ACSL1: variants seen among roughly 807,000 people sequenced by gnomAD.
The protein encoded by ACSL1 is long-chain-fatty-acid--CoA ligase 1.
A neutral mutation model predicts 98.4 loss-of-function variants in ACSL1; 41 were observed. The observed-to-expected ratio is 0.42, with a 90% CI of 0.32 to 0.54. ACSL1 has a LOEUF of 0.54. Ranked by LOEUF, ACSL1 falls within the 20% of genes least tolerant of loss-of-function variation. ACSL1 has a pLI of 0.13. For missense variants in ACSL1, 734 were observed against 883.1 expected, an observed-to-expected ratio of 0.83 and a Z score of 2.14; for synonymous variants, 316 against 322.7, an observed-to-expected ratio of 0.98 and a Z score of 0.22.
intron 1 of ACSL1, among the ~76,000 whole-genome samples, chr4:184,824,379 G>C (rs906864899): frequency 2.0e-5 from 3 of 151,772 alleles, no homozygotes; most frequent in African/African-American, 4.8e-5. Flanking sequence ...TGCCCGCCTC[G>C]GTCTCCCAAA....
At position 184,760,407 on chromosome 4, in the gene ACSL1, T is replaced by C. The variant is rs755700497; in HGVS notation, c.1732A>G (p.Met578Val). The change falls in exon 18 of 21, where the codon ATG becomes GTG. Residue 578 changes from methionine (M) to valine (V), a missense_variant. Physicochemically the swap from Met to Val is conservative, Grantham distance 21 (BLOSUM62 1). Transcript: ENST00000281455. Reference sequence around the variant, plus strand: ...ACCTGAGCAACAGGCTCACTTCGCATGTAGATATTTTCAATCTTTTCAGGG... The same window carrying C: ...ACCTGAGCAACAGGCTCACTTCGCACGTAGATATTTTCAATCTTTTCAGGG... ...IAPEKIENIY[M>V]RSEPVAQVFV... 3.7e-6 allele frequency: 6 copies of C among 1,614,168 alleles called. 1 individual carries two copies. In the Admixed American group the frequency reaches 1.0e-4, roughly 27 times the overall value.
At chr4:184,821,327 T>C (rs1476228849) in intron 1 of ACSL1, 2 of 296,406 alleles carry the variant, frequency 6.7e-6, no homozygotes, top group African/African-American at 2.2e-5. Context: ...CCTTCTTATA[T>C]GGACATTTCT....
intron 2 of ACSL1, among the ~76,000 whole-genome samples, chr4:184,795,025 G>A (rs36059531): frequency 1.3e-5 from 2 of 152,088 alleles, no homozygotes; most frequent in East Asian, 1.9e-4. Context: ...CCACAAACCC[G>A]CCTCAATGAA....
intron 2 of ACSL1, among the ~76,000 whole-genome samples, chr4:184,796,743 C>T (rs1234734295): frequency 6.6e-6 from 1 of 152,206 alleles, no homozygotes; most frequent in East Asian, 1.9e-4. Flanking sequence ...TAGTTAAATA[C>T]ACATCGGATA....
In ACSL1 at chr4:184,773,030, A is replaced by C. The variant is rs1049707498; in HGVS notation, c.915+51T>G. The C allele has an allele frequency of 6.4e-7, 1 of 1,559,402 alleles. No individual in the cohort carries two copies. Among genetic ancestry groups the C allele is most frequent in the African/African-American group, 1.4e-5 (1 of 73,930 alleles). On this transcript the variant is annotated intron_variant, in intron 10 of 20. Coordinates refer to ENST00000281455, the MANE Select transcript of ACSL1 (RefSeq NM_001995.5). The surrounding 1 kb of genome is among the most constrained non-coding windows in gnomAD (Gnocchi z 4.3). Reference sequence around the variant, plus strand: ...GCCCACCTTCAGCACTTTCATTCTCAAGGACTAATGTCAATCAATGAGGAA... The same window carrying C: ...GCCCACCTTCAGCACTTTCATTCTCCAGGACTAATGTCAATCAATGAGGAA...
chr4:184,779,018 C>T (rs898440947), intron 5 of ACSL1, among the ~76,000 whole-genome samples: 25 of 151,992 alleles, frequency 1.6e-4, no homozygotes, highest in Admixed American at 9.2e-4. Flanking sequence ...AGAATAAATT[C>T]GATTTCTTCA....
rs905208620 is a variant in ACSL1 at position 184,825,550 on chromosome 4, C to T, written c.-33+366G>A. On this transcript the variant is annotated intron_variant, in intron 1 of 20. Coordinates refer to ENST00000281455, the MANE Select transcript of ACSL1 (RefSeq NM_001995.5). The surrounding 1 kb of genome is among the most constrained non-coding windows in gnomAD (Gnocchi z 4.7). ...CGTCAGCGGCCCAGCTGGGCCACCT[C>T]CTCCCAGCCGAAGCGCGGCCTCCGG... 6.6e-6 allele frequency among the ~76,000 whole-genome samples: 1 copy of T among 151,608 alleles called. No individual in the cohort carries two copies. The highest frequency in any genetic ancestry group is 1.5e-5 in the Non-Finnish European group (1 of 67,862).
chr4:184,814,677 A>G (rs891104464), intron 1 of ACSL1, among the ~76,000 whole-genome samples: 5 of 152,192 alleles, frequency 3.3e-5, no homozygotes, highest in Admixed American at 3.3e-4. Flanking sequence ...GCTATAAGTG[A>G]GTCAGGTCAG....
Position 184,768,352 on chromosome 4 carries a change from G to C in ACSL1, c.1092C>G (p.Pro364=). 6.2e-7 allele frequency: 1 copy of C among 1,612,360 alleles called. No individual in the cohort carries two copies. Among genetic ancestry groups the C allele is most frequent in the South Asian group, 1.1e-5 (1 of 90,706 alleles). Residue 364 remains proline, a synonymous_variant, in exon 12 of 21, where the codon CCC becomes CCG. Coordinates refer to ENST00000281455, the MANE Select transcript of ACSL1 (RefSeq NM_001995.5). ...TCCGGTTCAGCAGTCTTGGAACCAC[G>C]GGGAAGACAGTGGGTTGAAGCACCT... ...DLKVLQPTVF[P]VVPRLLNRMF...
chr4:184,757,012 C>T lies in ACSL1; in HGVS notation c.*113G>A, dbSNP rs1321113314. The T allele has an allele frequency of 2.2e-6, 3 of 1,335,732 alleles. No homozygotes were observed. Among genetic ancestry groups the T allele is most frequent in the African/African-American group, 2.9e-5 (2 of 68,756 alleles). 82.7% of individuals were successfully genotyped at this position (1,335,732 alleles called of 1,614,324 possible). On this transcript the variant is annotated 3_prime_UTR_variant, in exon 21 of 21. Transcript: ENST00000281455. The surrounding 1 kb of genome is among the most constrained non-coding windows in gnomAD (Gnocchi z 4.5). ...AAGAACCCCGAATGGACAAGTCAAA[C>T]ACGAACGCTTCCTTCCCTACACTTG... is the stretch of plus-strand genomic sequence containing the variant.
intron 2 of ACSL1, among the ~76,000 whole-genome samples, chr4:184,789,831 G>T (rs557203995): frequency 1.3e-5 from 2 of 151,868 alleles, no homozygotes; most frequent in African/African-American, 4.8e-5. Context: ...CCAAAAAGCA[G>T]TCTTTAGAGA....
Position 184,776,853 on chromosome 4 carries a change from C to T in ACSL1, c.577+31G>A, listed in dbSNP as rs186402678. 2,520 of 1,605,228 alleles carry T rather than the reference C, an allele frequency of 1.6e-3. 42 individuals are homozygous for T. In the South Asian group the frequency reaches 0.022, roughly 14 times the overall value. ...TCACTGAACCTAACCAATAACTATG[C>T]CAATAATCCAGGCAAAGATCACAGA... On this transcript the variant is annotated intron_variant, in intron 6 of 20. Coordinates refer to ENST00000281455, the MANE Select transcript of ACSL1 (RefSeq NM_001995.5).
chr4:184,815,151 C>T (rs1772511626), intron 1 of ACSL1: 1 of 455,204 alleles, frequency 2.2e-6, no homozygotes, highest in East Asian at 7.0e-5. Flanking sequence ...AGTACGCATG[C>T]ACCAGGCATC....
chr4:184,773,129 A>G lies in ACSL1; in HGVS notation c.867T>C (p.Thr289=), dbSNP rs1335574583. ...TTGNPKGAMV[T]HRNIVSDCSA... The stretch of plus-strand genomic sequence containing the variant: ...AACAATCGCTCACTATGTTTCGGTG[A>G]GTGACCATTGCTCCTTTGGGGTTGC... Residue 289 remains threonine, a synonymous_variant, in exon 10 of 21, where the codon ACT becomes ACC. Coordinates refer to ENST00000281455, the MANE Select transcript of ACSL1 (RefSeq NM_001995.5). This position sits in a 1 kb window ranked among gnomAD's most constrained non-coding sequence, Gnocchi z 4.3. The G allele has an allele frequency of 1.9e-6, 3 of 1,614,056 alleles. No individual in the cohort carries two copies. The Admixed American group carries it at 5.0e-5, about 27-fold the overall frequency.
intron 3 of ACSL1, among the ~76,000 whole-genome samples, chr4:184,787,586 G>A (rs1206982657): frequency 2.6e-5 from 4 of 152,178 alleles, no homozygotes; most frequent in Admixed American, 6.5e-5. Flanking sequence ...GTGCATGGCC[G>A]GGCATGGTGA....
chr4:184,824,241 T>C (rs1412625931), intron 1 of ACSL1, among the ~76,000 whole-genome samples: 1 of 152,182 alleles, frequency 6.6e-6, no homozygotes, highest in Non-Finnish European at 1.5e-5. Context: ...TTCTCCTGGC[T>C]CAGCCTCTCG....
Position 184,763,153 on chromosome 4 carries a change from C to A in ACSL1, c.1521+14G>T. 2 of 1,611,086 alleles carry A rather than the reference C, an allele frequency of 1.2e-6. No individual in the cohort carries two copies. Among genetic ancestry groups the A allele is most frequent in the Non-Finnish European group, 1.7e-6 (2 of 1,179,112 alleles). ...AATGGCAGCGAGGGAAAATGACTGA[C>A]GGTTTTCACTCACCTCGCCCTCGCC... On this transcript the variant is annotated intron_variant, in intron 16 of 20. Transcript: ENST00000281455.
intron 17 of ACSL1, among the ~76,000 whole-genome samples, chr4:184,761,618 C>G (rs7680088): frequency 1.3e-5 from 2 of 152,200 alleles, no homozygotes; most frequent in African/African-American, 4.8e-5. Flanking sequence ...TTCGCCTAAT[C>G]TGTGAAACAC....
rs148766655 is a variant in ACSL1, at chr4:184,790,063, A to G, written c.196-1332T>C. On this transcript the variant is annotated intron_variant, in intron 2 of 20. Transcript: ENST00000281455. Reference sequence around the variant, plus strand: ...AAACAAAACAGGAGACACCAAAAAGAAGTGTGGAAAAGCTAGGTCTCAGAG... The same window carrying G: ...AAACAAAACAGGAGACACCAAAAAGGAGTGTGGAAAAGCTAGGTCTCAGAG... Among the ~76,000 whole-genome samples, 931 of 152,196 alleles carry G rather than the reference A, an allele frequency of 6.1e-3. 7 individuals are homozygous for G. Among genetic ancestry groups the G allele is most frequent in the South Asian group, 0.013 (65 of 4,828 alleles).
Sources: allele counts gnomAD v4.1 joint callset (sites outside exome capture counted in the v4.1 genomes callset), GRCh38; gene constraint gnomAD v4.1.1; non-coding constraint Gnocchi (gnomAD v3.1); transcripts MANE v1.5; gene names NCBI Gene and HGNC (gene_info 2026-07-23, HGNC 2026-07-21).